EXOSC10: variants seen among roughly 807,000 people sequenced by gnomAD.
EXOSC10 encodes exosome component 10.
In EXOSC10, 94 loss-of-function variants were observed where a neutral mutation model predicts 126.6. The ratio of observed to expected loss-of-function variants is 0.74; its 90% CI spans 0.63 to 0.88. The LOEUF is 0.88. Ranked by LOEUF, EXOSC10 falls within the 40% of genes least tolerant of loss-of-function variation. EXOSC10 has a pLI of 0.00. For synonymous variants in EXOSC10, 395 were observed against 400.8 expected (o/e 0.99, Z 0.17); for missense variants, 1,041 against 1,100.5 (o/e 0.95, Z 0.77).
intron 24 of EXOSC10, 76 bp downstream of exon 24, chr1:11,067,932 T>C (rs1639204313): frequency 1.5e-6 from 2 of 1,300,924 alleles, no homozygotes; most frequent in Non-Finnish European, 2.2e-6. Flanking sequence ...CCCCAGCTAC[T>C]CCCCACGGAC....
intron 1 of EXOSC10, 37 bp from the exon 2 acceptor site, chr1:11,098,193 G>T (rs1641223123): frequency 6.4e-7 from 1 of 1,566,728 alleles, no homozygotes. Context: ...GTTTACACAG[G>T]GATCCCCATT....
intron 14 of EXOSC10, among the ~76,000 whole-genome samples, chr1:11,078,264 C>CTTTTTTTTTTTTTTTTTTTTTT (rs1220119181): frequency 2.1e-5 from 3 of 143,724 alleles, no homozygotes; most frequent in Admixed American, 6.9e-5. Flanking sequence ...GACCCTGTTT[C>CTTTTTTTTTTTTTTTTTTTTTT]TTTTTTTTTT....
At chr1:11,086,753 GA>G (rs1340167305) in intron 9 of EXOSC10, among the ~76,000 whole-genome samples, 1 of 152,142 alleles carries the variant, frequency 6.6e-6, no homozygotes, top group Non-Finnish European at 1.5e-5. Context: ...CAGAAATAAA[GA>G]TGTTCTTTGA....
chr1:11,074,363 T>C (rs1639697207), intron 17 of EXOSC10, 37 bp from the exon 18 acceptor site: 7 of 1,409,660 alleles, frequency 5.0e-6, no homozygotes, highest in African/African-American at 1.4e-5. Flanking sequence ...CTAATGACCA[T>C]GATCATCTGT....
chr1:11,080,720 C>T, intron 12 of EXOSC10, 44 bp downstream of exon 12: 2 of 1,611,528 alleles, frequency 1.2e-6, no homozygotes, highest in East Asian at 2.2e-5. Context: ...TATTAGATCT[C>T]CTCAGTCTGG....
Position 11,068,701 on chromosome 1 carries a change from T to C in EXOSC10, c.2494A>G (p.Ser832Gly). 1 of 1,614,082 alleles carries C rather than the reference T, an allele frequency of 6.2e-7. No individual in the cohort carries two copies. The highest frequency in any genetic ancestry group is 8.5e-7 in the Non-Finnish European group (1 of 1,179,912). Reference sequence around the variant, plus strand: ...AACTGAGAAGAAACTTTGGATTTGCTGTTTCCTGAAAGGTAAGAGATGAGA... The same window carrying C: ...AACTGAGAAGAAACTTTGGATTTGCCGTTTCCTGAAAGGTAAGAGATGAGA... ...QSDFKAFAGN[S>G]KSKVSSQFDP... is the part of the protein sequence containing the mutation. The change falls in exon 23 of 25, where the codon AGC becomes GGC. Residue 832 changes from serine to glycine, a missense_variant. Physicochemically the swap from Ser to Gly is moderately conservative, Grantham distance 56. This residue lies in a region of EXOSC10 where 388 missense variants were observed against 415.2 expected (regional missense o/e 0.93). Transcript: ENST00000376936.
chr1:11,099,720 C>G lies in EXOSC10; in HGVS notation c.111+1G>C. 1 of 1,604,018 alleles carries G rather than the reference C, an allele frequency of 6.2e-7. No homozygotes were observed. The highest frequency in any genetic ancestry group is 8.5e-7 in the Non-Finnish European group (1 of 1,175,082). On this transcript the variant is annotated splice_donor_variant, in intron 1 of 24. Coordinates refer to ENST00000376936, the MANE Select transcript of EXOSC10 (RefSeq NM_001001998.3). LOFTEE classifies it high-confidence loss of function. ...GTACCCCCGAGGCCCCGCGAACTCA[C>G]CTTCACAAAGCTGTCGGCGTCCGGG...
At chr1:11,089,927 G>A (rs189066613) in intron 6 of EXOSC10, among the ~76,000 whole-genome samples, 1 of 151,838 alleles carries the variant, frequency 6.6e-6, no homozygotes, top group East Asian at 1.9e-4. Flanking sequence ...CTGGGCGACA[G>A]AGCAAGACCC....
At chr1:11,088,101 T>C in intron 7 of EXOSC10, 22 bp downstream of exon 7, 1 of 1,599,664 alleles carries the variant, frequency 6.3e-7, no homozygotes, top group Non-Finnish European at 8.5e-7. Flanking sequence ...ACGGCACCTT[T>C]AAACTAAGGC....
intron 20 of EXOSC10, chr1:11,071,746 G>C: frequency 4.7e-6 from 1 of 213,708 alleles, no homozygotes; most frequent in Non-Finnish European, 9.4e-6. Context: ...CTGCTGCTCA[G>C]CATGCCCAGT....
rs1488342977 is a variant in EXOSC10, at chr1:11,087,477, C to G, written c.1060G>C (p.Glu354Gln). The change falls in exon 9 of 25, where the codon GAG becomes CAG. Residue 354 changes from glutamate to glutamine, a missense_variant. This residue lies in a region of EXOSC10 where 645 missense variants were observed against 656.3 expected (regional missense o/e 0.98). Transcript: ENST00000376936. Reference protein sequence around the residue: ...ELRSDMYILNESLTDPAIVKV... With the variant: ...ELRSDMYILNQSLTDPAIVKV... ...ACGATGGCTGGGTCTGTGAGGCTCT[C>G]ATTGAGAATGTACATGTCACTTCGA... 1 of 1,614,066 alleles carries G rather than the reference C, an allele frequency of 6.2e-7. No individual in the cohort carries two copies. Among genetic ancestry groups the G allele is most frequent in the Middle Eastern group, 1.6e-4 (1 of 6,062 alleles).
chr1:11,093,790 G>A (rs1257721799), intron 3 of EXOSC10, among the ~76,000 whole-genome samples: 1 of 152,156 alleles, frequency 6.6e-6, no homozygotes, highest in Non-Finnish European at 1.5e-5. Context: ...ATCTTGTCAG[G>A]CACAGTGGCT....
Position 11,090,672 on chromosome 1 carries a change from G to T in EXOSC10, c.644-4C>A. 6.3e-7 allele frequency: 1 copy of T among 1,599,332 alleles called. No individual in the cohort carries two copies. On this transcript the variant is annotated splice_region_variant and splice_polypyrimidine_tract_variant and intron_variant, in intron 5 of 24. Coordinates refer to ENST00000376936, the MANE Select transcript of EXOSC10 (RefSeq NM_001001998.3). Reference sequence around the variant, plus strand: ...TCCCGCCTTTCCTTAGAGAGAGCTGGGGATCCCAGCAGTGACAAAAACATC... The same window carrying T: ...TCCCGCCTTTCCTTAGAGAGAGCTGTGGATCCCAGCAGTGACAAAAACATC...
chr1:11,083,601 GT>G (rs1274347978), intron 9 of EXOSC10, among the ~76,000 whole-genome samples: 4 of 145,532 alleles, frequency 2.7e-5, no homozygotes, highest in Admixed American at 6.9e-5. Flanking sequence ...TATATGCAGG[GT>G]TTTTTTTAAG....
chr1:11,074,220 C>A lies in EXOSC10; in HGVS notation c.2082+11G>T. 7 of 1,608,450 alleles carry A rather than the reference C, an allele frequency of 4.4e-6. No homozygotes were observed. The highest frequency in any genetic ancestry group is 6.0e-6 in the Non-Finnish European group (7 of 1,174,844). On this transcript the variant is annotated intron_variant, in intron 18 of 24. Transcript: ENST00000376936. ...GCATATCCTGTCAGCCCTGACAAAA[C>A]TACTACTCACCATCCTAAATGGATT...
chr1:11,096,690 G>A (rs1192730527), intron 2 of EXOSC10, among the ~76,000 whole-genome samples: 1 of 151,374 alleles, frequency 6.6e-6, no homozygotes, highest in East Asian at 1.9e-4. Context: ...CGTTGCCCAG[G>A]CTGGTCTTGA....
intron 19 of EXOSC10, chr1:11,072,401 T>C (rs1381235828): frequency 2.0e-5 from 9 of 459,142 alleles, no homozygotes; most frequent in South Asian, 4.9e-5. Context: ...CCATCCATCA[T>C]CTCATTCAAT....
At chr1:11,076,511 C>T (rs17036295) in intron 17 of EXOSC10, among the ~76,000 whole-genome samples, 10,987 of 152,280 alleles carry the variant, frequency 0.072, 616 homozygotes, top group East Asian at 0.15. Flanking sequence ...ACCACCACTG[C>T]AGCTTGTCTG....
intron 17 of EXOSC10, 115 bp from the exon 18 acceptor site, chr1:11,074,441 C>A: frequency 1.4e-6 from 1 of 713,334 alleles, no homozygotes; most frequent in South Asian, 1.7e-5. Context: ...GAGACAGAGT[C>A]TCGCTCTTTT....
Sources: allele counts gnomAD v4.1 joint callset (sites outside exome capture counted in the v4.1 genomes callset), GRCh38; gene constraint gnomAD v4.1.1; regional missense constraint gnomAD v4.1.1; transcripts MANE v1.5; gene names NCBI Gene and HGNC (gene_info 2026-07-23, HGNC 2026-07-21).